PCDH15: variants seen among roughly 807,000 people sequenced by gnomAD.
PCDH15 encodes the protein protocadherin related 15.
PCDH15 carries 129 observed loss-of-function variants against 178.5 expected under a neutral mutation model. The ratio of observed to expected loss-of-function variants is 0.72; its 90% confidence interval spans 0.63 to 0.84. The LOEUF (loss-of-function observed/expected upper bound fraction) is 0.84. PCDH15 is among the 40% of genes least tolerant of loss of function. The probability of loss-of-function intolerance (pLI) is 0.00; values close to 1 mark genes in which losing one functional copy is unlikely to be tolerated. For synonymous variants in PCDH15, 800 were observed against 732.0 expected, an observed-to-expected ratio of 1.09 and a Z score of -1.50; for missense variants, 2,230 against 2,099.9, an observed-to-expected ratio of 1.06 and a Z score of -1.21.
chr10:54,560,640 G>C (rs966487109), intron 2 of PCDH15, among the ~76,000 whole-genome samples: 1 of 152,068 alleles, frequency 6.6e-6, no homozygotes, highest in Non-Finnish European at 1.5e-5. Context: ...CATGTATAAA[G>C]GTGTCAGCTG....
At chr10:54,096,429 C>A (rs1022875864) in intron 15 of PCDH15, among the ~76,000 whole-genome samples, 8 of 152,074 alleles carry the variant, frequency 5.3e-5, no homozygotes, top group African/African-American at 1.4e-4. Flanking sequence ...ATTTATCATA[C>A]TTCCTGTTTT....
intron 21 of PCDH15, among the ~76,000 whole-genome samples, chr10:53,963,794 A>G (rs1383124046): frequency 6.6e-6 from 1 of 152,072 alleles, no homozygotes; most frequent in Non-Finnish European, 1.5e-5. Flanking sequence ...CAATACCTCA[A>G]TGAGTATAGG....
At chr10:54,616,124 G>GA (rs2093140953) in intron 2 of PCDH15, among the ~76,000 whole-genome samples, 1 of 151,856 alleles carries the variant, frequency 6.6e-6, no homozygotes, top group Non-Finnish European at 1.5e-5. Context: ...AAGTGGCTAA[G>GA]AAAAAAATTA....
intron 3 of PCDH15, among the ~76,000 whole-genome samples, chr10:54,393,134 T>G (rs1053650901): frequency 5.9e-5 from 9 of 152,116 alleles, no homozygotes; most frequent in African/African-American, 2.2e-4. Context: ...ATCTACATAT[T>G]AATAAAATCA....
chr10:55,355,714 C>T (rs1402743523), intron 2 of PCDH15, among the ~76,000 whole-genome samples: 1 of 151,912 alleles, frequency 6.6e-6, no homozygotes, highest in African/African-American at 2.4e-5. Context: ...CTTAATAGTG[C>T]CATTCACATT....
chr10:54,696,621 G>C (rs1169636191), intron 1 of PCDH15, among the ~76,000 whole-genome samples: 1 of 150,964 alleles, frequency 6.6e-6, no homozygotes, highest in Non-Finnish European at 1.5e-5. Flanking sequence ...AGCACTGGCA[G>C]TTGAAAGTTA....
intron 2 of PCDH15, among the ~76,000 whole-genome samples, chr10:55,376,953 C>A (rs376975327): frequency 1.3e-5 from 2 of 151,678 alleles, no homozygotes; most frequent in African/African-American, 4.8e-5. Context: ...AAAATTATAA[C>A]CCTATTTTTA....
intron 2 of PCDH15, among the ~76,000 whole-genome samples, chr10:55,522,190 C>T (rs1321128625): frequency 1.3e-5 from 2 of 151,866 alleles, no homozygotes; most frequent in Admixed American, 1.3e-4. Flanking sequence ...CTCTTCTCTG[C>T]AAACCTTTGC....
intron 12 of PCDH15, 29 bp from the exon 13 acceptor site, chr10:54,183,622 G>T: frequency 6.2e-7 from 1 of 1,611,594 alleles, no homozygotes; most frequent in Non-Finnish European, 8.5e-7. Flanking sequence ...ACACTTAGTA[G>T]AGATGTTCTG....
At chr10:54,360,731 A>G (rs1301885732) in intron 5 of PCDH15, among the ~76,000 whole-genome samples, 2 of 151,938 alleles carry the variant, frequency 1.3e-5, no homozygotes, top group Non-Finnish European at 2.9e-5. Flanking sequence ...TCTTCATCCT[A>G]TAGCTATTAT....
chr10:55,067,896 G>A (rs1841608476), intron 2 of PCDH15, among the ~76,000 whole-genome samples: 1 of 151,886 alleles, frequency 6.6e-6, no homozygotes, highest in Admixed American at 6.6e-5. Context: ...CTTTTTTTGA[G>A]AAATGTTTAT....
At chr10:55,122,283 T>C (rs1017722517) in intron 2 of PCDH15, among the ~76,000 whole-genome samples, 1 of 152,170 alleles carries the variant, frequency 6.6e-6, no homozygotes, top group Non-Finnish European at 1.5e-5. Flanking sequence ...TAAAAGACTT[T>C]CCAGAAGTAT....
At chr10:54,732,352 A>G (rs991978256) in intron 1 of PCDH15, among the ~76,000 whole-genome samples, 1 of 151,404 alleles carries the variant, frequency 6.6e-6, no homozygotes, top group Non-Finnish European at 1.5e-5. Flanking sequence ...ATCCTTATGA[A>G]AGACGGGACA....
chr10:55,520,896 A>T (rs1398597429), intron 2 of PCDH15, among the ~76,000 whole-genome samples: 1 of 151,916 alleles, frequency 6.6e-6, no homozygotes, highest in Admixed American at 6.6e-5. Flanking sequence ...AAGCTAATTA[A>T]CATATTATCA....
At chr10:54,438,910 G>T (rs1589415689) in intron 3 of PCDH15, among the ~76,000 whole-genome samples, 4 of 152,188 alleles carry the variant, frequency 2.6e-5, no homozygotes, top group Admixed American at 2.6e-4. Flanking sequence ...TTCTTAGAAT[G>T]CCTAGTCCTC....
chr10:55,083,149 C>CA (rs111471537), intron 2 of PCDH15, among the ~76,000 whole-genome samples: 1,740 of 144,726 alleles, frequency 0.012, 39 homozygotes, highest in African/African-American at 0.04. Context: ...AAAAAATTTG[C>CA]AAAAAAAAAC....
chr10:55,048,863 G>C (rs563557088), intron 2 of PCDH15, among the ~76,000 whole-genome samples: 1 of 152,010 alleles, frequency 6.6e-6, no homozygotes, highest in Non-Finnish European at 1.5e-5. Flanking sequence ...AAGGTAAAAA[G>C]CAAGATCTTA....
In PCDH15 at chr10:54,074,327, A is replaced by G. The variant is rs150419208; in HGVS notation, c.2091+5004T>C. ...TCTAGCAAAACAAAAGCTCTATAAC[A>G]TTAAACAATAACTCCCCATTTCTCT... On this transcript the variant is annotated intron_variant, in intron 17 of 37. Coordinates refer to ENST00000644397, the MANE Select transcript of PCDH15 (RefSeq NM_001384140.1). Among the ~76,000 whole-genome samples the G allele has an allele frequency of 6.7e-3, 1,027 of 152,306 alleles. 9 individuals carry two copies. The highest frequency in any genetic ancestry group is 0.024 in the African/African-American group (980 of 41,560).
chr10:54,695,746 G>C (rs2095213136), intron 1 of PCDH15, among the ~76,000 whole-genome samples: 1 of 152,012 alleles, frequency 6.6e-6, no homozygotes, highest in East Asian at 1.9e-4. Flanking sequence ...ATTATGCCAA[G>C]TCTACTATAA....
Sources: gnomAD v4.1 joint callset for allele counts (sites outside exome capture counted in the v4.1 genomes callset) on GRCh38, gnomAD v4.1.1 for gene constraint, MANE v1.5 for transcripts, NCBI Gene and HGNC (gene_info 2026-07-23, HGNC 2026-07-21) for gene names.